SLC29A2: variants seen among roughly 807,000 people sequenced by gnomAD.
SLC29A2 encodes the protein equilibrative nucleoside transporter 2.
In SLC29A2, 37 loss-of-function variants were observed where a neutral mutation model predicts 48.8. The observed-to-expected ratio is 0.76, with a 90% confidence interval of 0.58 to 1.00. SLC29A2 has a LOEUF of 1.00. SLC29A2 is among the 50% of genes least tolerant of loss of function. The pLI, the probability that SLC29A2 is intolerant of heterozygous loss-of-function variation, is 0.00. For missense variants in SLC29A2, 533 were observed against 578.6 expected, an observed-to-expected ratio of 0.92 and a Z score of 0.81; for synonymous variants, 233 against 261.7, an observed-to-expected ratio of 0.89 and a Z score of 1.06.
chr11:66,362,593 C>T lies in SLC29A2; in HGVS notation c.*843G>A, dbSNP rs1855447857. The T allele has an allele frequency of 6.6e-6, 1 of 152,224 alleles. No homozygotes were observed. Among genetic ancestry groups the T allele is most frequent in the Admixed American group, 6.5e-5 (1 of 15,282 alleles). 9.4% of individuals were successfully genotyped at this position (152,224 alleles called of 1,614,324 possible). Reference sequence around the variant, plus strand: ...AACAGCAAAAACGGGGAGTAAGTGCCCAGGCTCCTGCCCCAAACCCCTTGA... The same window carrying T: ...AACAGCAAAAACGGGGAGTAAGTGCTCAGGCTCCTGCCCCAAACCCCTTGA... On this transcript the variant is annotated 3_prime_UTR_variant, in exon 12 of 12. Coordinates refer to ENST00000357440, the MANE Select transcript of SLC29A2 (RefSeq NM_001532.3).
chr11:66,370,446 T>A (rs576499411), intron 2 of SLC29A2, among the ~76,000 whole-genome samples: 1 of 152,328 alleles, frequency 6.6e-6, no homozygotes, highest in South Asian at 2.1e-4. Context: ...TGAATACAGA[T>A]GAATAACCCG....
chr11:66,363,952 A>AT (rs10648232), intron 11 of SLC29A2, among the ~76,000 whole-genome samples: 49,212 of 151,320 alleles, frequency 0.33, 9,279 homozygotes, highest in South Asian at 0.61. Flanking sequence ...AGTTCAACCC[A>AT]TTTTTTTTTA....
At position 66,368,530 on chromosome 11, in the gene SLC29A2, C is replaced by T. The variant is rs1444297927; in HGVS notation, c.550+7G>A. 3.7e-6 allele frequency: 6 copies of T among 1,613,458 alleles called. No individual in the cohort carries two copies. Among genetic ancestry groups the T allele is most frequent in the East Asian group, 2.2e-5 (1 of 44,904 alleles). Reference sequence around the variant, plus strand: ...CCCCAGCCCTCCAGCCACCCAAGTGCACTCACTGGCCATGGACAGGAGCAT... The same window carrying T: ...CCCCAGCCCTCCAGCCACCCAAGTGTACTCACTGGCCATGGACAGGAGCAT... On this transcript the variant is annotated splice_region_variant and intron_variant, in intron 5 of 11. Transcript: ENST00000357440.
chr11:66,367,943 C>T (rs1056162233), intron 5 of SLC29A2, 74 bp from the exon 6 acceptor site: 36 of 1,165,598 alleles, frequency 3.1e-5, no homozygotes, highest in Non-Finnish European at 4.6e-5. Context: ...AACTCTTGTC[C>T]CACTTCCCAT....
At position 66,371,250 on chromosome 11, in the gene SLC29A2, G is replaced by A. The variant is rs1163197964; in HGVS notation, c.105C>T (p.Ala35=). The change falls in exon 2 of 12, where the codon GCC becomes GCT. Residue 35 remains alanine, a synonymous_variant. Coordinates refer to ENST00000357440, the MANE Select transcript of SLC29A2 (RefSeq NM_001532.3). The part of the protein sequence containing the change: ...TLLPWNFFIT[A]IPYFQARLAG... Reference sequence around the variant, plus strand: ...ACGCCGCCAGGAGTCTCACCGGGATGGCGGTGATGAAGAAGTTCCAGGGAA... The same window carrying A: ...ACGCCGCCAGGAGTCTCACCGGGATAGCGGTGATGAAGAAGTTCCAGGGAA... 2 of 1,613,404 alleles carry A rather than the reference G, an allele frequency of 1.2e-6. No individual in the cohort carries two copies. Among genetic ancestry groups the A allele is most frequent in the Admixed American group, 3.3e-5 (2 of 60,024 alleles).
In SLC29A2 at chr11:66,367,535, T is replaced by C. The variant is rs1336966162; in HGVS notation, c.662A>G (p.Tyr221Cys). 6.2e-6 allele frequency: 10 copies of C among 1,614,006 alleles called. No individual in the cohort carries two copies. The highest frequency in any genetic ancestry group is 1.3e-5 in the African/African-American group (1 of 74,914). The change falls in exon 7 of 12, where the codon TAC becomes TGC. Residue 221 changes from tyrosine (Y) to cysteine (C), a missense_variant. Tyr to Cys is a radical substitution (Grantham distance 194). Transcript: ENST00000357440. ...CTGGGATGATTTATTGGCCAGGTAG[T>C]AGCGGGCAAACTTCTGCAGAAGGAC... ...LSLPHLKFAR[Y>C]YLANKSSQAQ...
At chr11:66,371,133 C>A in intron 2 of SLC29A2, 111 bp downstream of exon 2, 1 of 914,446 alleles carries the variant, frequency 1.1e-6, no homozygotes, top group East Asian at 2.6e-5. Flanking sequence ...ATGAGCTCAA[C>A]GAGGGGTCAC....
rs768783631 is a variant in SLC29A2, at chr11:66,365,910, G to C, written c.1059+26C>G. 49 of 1,603,666 alleles carry C rather than the reference G, an allele frequency of 3.1e-5. 1 individual carries two copies. In the South Asian group the frequency reaches 5.4e-4, roughly 18 times the overall value. ...ATCCCAAACTGCTTCCTAAAACATC[G>C]GATCACCCAGCCCTGGTGTGCTTAC... is the stretch of plus-strand genomic sequence containing the variant. On this transcript the variant is annotated intron_variant, in intron 10 of 11. Transcript: ENST00000357440.
chr11:66,366,804 C>A (rs1423396225), intron 7 of SLC29A2, among the ~76,000 whole-genome samples: 3 of 152,106 alleles, frequency 2.0e-5, no homozygotes, highest in African/African-American at 7.2e-5. Flanking sequence ...AAAAAATTAG[C>A]CGGGCATGGC....
Position 66,368,602 on chromosome 11 carries a change from A to T in SLC29A2, c.485T>A (p.Leu162His), listed in dbSNP as rs972868282. ...LGTMPSTYSTLFLSGQGLAGI... is the reference protein window; with the variant it reads ...LGTMPSTYSTHFLSGQGLAGI... ...AGCCAGGCCCTGGCCGCTGAGGAAG[A>T]GGGTGCTGTAGGTGGAGGGCATGGT... The change falls in exon 5 of 12, where the codon CTC (leucine) becomes CAC (histidine). Residue 162 changes from leucine (L) to histidine (H), a missense_variant. Physicochemically the swap from Leu to His is moderately conservative, Grantham distance 99. Transcript: ENST00000357440. 8 of 1,608,888 alleles carry T rather than the reference A, an allele frequency of 5.0e-6. No homozygotes were observed. The African/African-American group carries it at 1.1e-4, about 21-fold the overall frequency.
At chr11:66,369,276 C>A in intron 3 of SLC29A2, 77 bp from the exon 4 acceptor site, 1 of 1,587,400 alleles carries the variant, frequency 6.3e-7, no homozygotes. Flanking sequence ...ACACCTGGGG[C>A]TGGGCAGTAG....
Position 66,371,664 on chromosome 11 carries a change from G to A in SLC29A2, c.-73C>T, listed in dbSNP as rs1287990872. 4.1e-6 allele frequency: 6 copies of A among 1,452,046 alleles called. No individual in the cohort carries two copies. 89.9% of individuals were successfully genotyped at this position (1,452,046 alleles called of 1,614,324 possible). A position where few individuals can be genotyped will look rare whatever the true frequency, so the allele number is the denominator to read the frequency against. On this transcript the variant is annotated 5_prime_UTR_variant, in exon 1 of 12. Coordinates refer to ENST00000357440, the MANE Select transcript of SLC29A2 (RefSeq NM_001532.3). ...ACCTGCACCTGCGCTGGGGCGGAGG[G>A]CCGCAGACCGGTGGGGCGGGGGGCG...
At chr11:66,365,799 G>A in intron 10 of SLC29A2, 137 bp downstream of exon 10, 1 of 828,124 alleles carries the variant, frequency 1.2e-6, no homozygotes, top group Non-Finnish European at 2.1e-6. Flanking sequence ...CAGGGCCCAA[G>A]TGCTCCCTGC....
In SLC29A2 at chr11:66,364,331, G is replaced by A. The variant is rs776926721; in HGVS notation, c.1153C>T (p.Arg385Trp). 1.7e-5 allele frequency: 28 copies of A among 1,613,830 alleles called. No homozygotes were observed. In the South Asian group the frequency reaches 2.2e-4, roughly 13 times the overall value. The change falls in exon 11 of 12, where the codon CGG becomes TGG. Residue 385 changes from arginine (R) to tryptophan (W), a missense_variant. Coordinates refer to ENST00000357440, the MANE Select transcript of SLC29A2 (RefSeq NM_001532.3). ...FMLCHVPQRS[R>W]LPILFPQDAY... ...TCCTGTGGGAAGAGGATGGGCAGCC[G>A]GGACCTCTGGGGCACGTGGCACAGC...
chr11:66,366,677 T>C, intron 7 of SLC29A2, 113 bp from the exon 8 acceptor site: 2 of 1,185,136 alleles, frequency 1.7e-6, no homozygotes, highest in Non-Finnish European at 2.4e-6. Flanking sequence ...CAGCTCAGCA[T>C]GGTGGCTCAC....
intron 11 of SLC29A2, 52 bp downstream of exon 11, chr11:66,364,173 C>G (rs1855529881): frequency 6.9e-7 from 1 of 1,449,630 alleles, no homozygotes; most frequent in Non-Finnish European, 9.5e-7. Flanking sequence ...TTCCCAAAGA[C>G]TGAACCCACC....
At chr11:66,366,278 C>T in intron 8 of SLC29A2, 47 bp from the exon 9 acceptor site, 1 of 1,595,278 alleles carries the variant, frequency 6.3e-7, no homozygotes, top group Non-Finnish European at 8.6e-7. Flanking sequence ...AGTCCCAGGG[C>T]CCCACCCTCT....
intron 2 of SLC29A2, 143 bp from the exon 3 acceptor site, chr11:66,369,675 G>A (rs370275213): frequency 2.3e-5 from 22 of 949,140 alleles, no homozygotes; most frequent in African/African-American, 1.3e-4. Flanking sequence ...GCACACAGTC[G>A]GAGCTCCATG....
At chr11:66,372,356 A>G (rs938935460), upstream of SLC29A2, 3 of 152,164 alleles carry the variant, frequency 2.0e-5, no homozygotes, top group African/African-American at 7.2e-5. Context: ...ATTTGCTCCT[A>G]CTCTCATAAT....
Sources: gnomAD v4.1 joint callset for allele counts (sites outside exome capture counted in the v4.1 genomes callset) on GRCh38, gnomAD v4.1.1 for gene constraint, MANE v1.5 for transcripts, NCBI Gene and HGNC (gene_info 2026-07-23, HGNC 2026-07-21) for gene names.